B3GALT1: variants seen among roughly 807,000 people sequenced by gnomAD.
The protein encoded by B3GALT1 is UDP-Gal:betaGlcNAc beta 1,3-galactosyltransferase, polypeptide 1.
In B3GALT1, 10 loss-of-function variants were observed where a neutral mutation model predicts 23.2. The ratio of observed to expected loss-of-function variants is 0.43; its 90% CI spans 0.27 to 0.73. B3GALT1 has a LOEUF of 0.73. B3GALT1 is among the 30% of genes least tolerant of loss of function. The pLI is 0.21. For missense variants in B3GALT1, 299 were observed against 405.4 expected (o/e 0.74, Z 2.25); for synonymous variants, 156 against 141.5 (o/e 1.10, Z -0.73).
At chr2:167,698,131 A>G (rs930011037) in intron 3 of B3GALT1, among the ~76,000 whole-genome samples, 1 of 131,372 alleles carries the variant, frequency 7.6e-6, no homozygotes, top group Non-Finnish European at 1.6e-5. Context: ...TTCTGTAGGG[A>G]GTTAACATCA....
chr2:167,854,347 CT>C (rs1689960097), intron 4 of B3GALT1, among the ~76,000 whole-genome samples: 1 of 152,148 alleles, frequency 6.6e-6, no homozygotes, highest in South Asian at 2.1e-4. Context: ...TCTTGAAGGG[CT>C]TGACCTGGAT....
chr2:167,509,406 C>T (rs1462352496), intron 2 of B3GALT1, among the ~76,000 whole-genome samples: 1 of 151,848 alleles, frequency 6.6e-6, no homozygotes, highest in East Asian at 1.9e-4. Context: ...GAGCTTAACA[C>T]TAGTGGAAGG....
intron 4 of B3GALT1, among the ~76,000 whole-genome samples, chr2:167,842,629 T>C (rs1261221594): frequency 6.6e-6 from 1 of 152,176 alleles, no homozygotes; most frequent in African/African-American, 2.4e-5. Flanking sequence ...ATCCCAGCAC[T>C]TTGAGAGGCT....
At chr2:167,314,793 T>G (rs557226838) in intron 1 of B3GALT1, among the ~76,000 whole-genome samples, 1 of 152,160 alleles carries the variant, frequency 6.6e-6, no homozygotes. Context: ...TTTGAGATTC[T>G]GAACTTCCTT....
At chr2:167,693,855 A>G (rs1686752209) in intron 3 of B3GALT1, among the ~76,000 whole-genome samples, 1 of 152,112 alleles carries the variant, frequency 6.6e-6, no homozygotes, top group African/African-American at 2.4e-5. Context: ...GCTGTATAAT[A>G]GACCACCCCA....
intron 1 of B3GALT1, among the ~76,000 whole-genome samples, chr2:167,330,419 C>G (rs1366452647): frequency 3.0e-4 from 46 of 152,024 alleles, no homozygotes; most frequent in Admixed American, 3.0e-3. Flanking sequence ...TCAGCCTGGG[C>G]AACATAGTGA....
At chr2:167,601,163 G>A (rs764096884) in intron 2 of B3GALT1, among the ~76,000 whole-genome samples, 15 of 152,036 alleles carry the variant, frequency 9.9e-5, no homozygotes, top group East Asian at 1.9e-4. Context: ...TGGTTCAAGC[G>A]ATTCTCCTGC....
intron 3 of B3GALT1, among the ~76,000 whole-genome samples, chr2:167,655,543 G>A (rs979023346): frequency 1.3e-5 from 2 of 152,082 alleles, no homozygotes; most frequent in African/African-American, 4.8e-5. Context: ...AACACCCATA[G>A]CAAGGGAGCT....
At chr2:167,548,804 A>C (rs1177926076) in intron 2 of B3GALT1, among the ~76,000 whole-genome samples, 1 of 152,052 alleles carries the variant, frequency 6.6e-6, no homozygotes, top group African/African-American at 2.4e-5. Context: ...CATGCAGACA[A>C]ATCTGTCCAA....
In B3GALT1 at chr2:167,700,629, A is replaced by G. The variant is rs931027152; in HGVS notation, c.-352+53663A>G. The stretch of plus-strand genomic sequence containing the variant: ...ATTAATGGAACACCCCTTTGCTGCT[A>G]TATCTCAAATAGTTTCAGAAAAGCA... On this transcript the variant is annotated intron_variant, in intron 3 of 4. Coordinates refer to ENST00000392690, the MANE Select transcript of B3GALT1 (RefSeq NM_020981.4). 5.3e-5 allele frequency among the ~76,000 whole-genome samples: 8 copies of G among 152,336 alleles called. No individual in the cohort carries two copies. The East Asian group carries it at 1.2e-3, about 22-fold the overall frequency.
chr2:167,668,268 T>TCA (rs1224208026), intron 3 of B3GALT1, among the ~76,000 whole-genome samples: 1 of 151,990 alleles, frequency 6.6e-6, no homozygotes, highest in Non-Finnish European at 1.5e-5. Context: ...TTCTCGGAGG[T>TCA]CAGGGGTCAG....
intron 1 of B3GALT1, among the ~76,000 whole-genome samples, chr2:167,425,489 G>A (rs181639153): frequency 6.2e-4 from 95 of 152,286 alleles, no homozygotes; most frequent in African/African-American, 2.2e-3. Flanking sequence ...GGATTAATAA[G>A]CGTGCAGTAA....
intron 1 of B3GALT1, among the ~76,000 whole-genome samples, chr2:167,358,468 G>GT (rs1159427074): frequency 1.3e-5 from 2 of 152,070 alleles, no homozygotes; most frequent in East Asian, 1.9e-4. Context: ...ATCGTTAACA[G>GT]TTTTTTTGTG....
chr2:167,818,546 A>T (rs180889808), intron 3 of B3GALT1, among the ~76,000 whole-genome samples, 126 bp from the exon 4 acceptor site: 27 of 152,298 alleles, frequency 1.8e-4, no homozygotes, highest in Middle Eastern at 3.4e-3. Context: ...CCCACATGCC[A>T]TTCTTTGTAT....
At chr2:167,593,494 T>A (rs541162932) in intron 2 of B3GALT1, among the ~76,000 whole-genome samples, 6 of 152,282 alleles carry the variant, frequency 3.9e-5, no homozygotes, top group African/African-American at 1.4e-4. Context: ...CTCATAACAG[T>A]GGTTACAGGG....
At chr2:167,670,931 G>T (rs1389880857) in intron 3 of B3GALT1, among the ~76,000 whole-genome samples, 1 of 152,126 alleles carries the variant, frequency 6.6e-6, no homozygotes, top group Non-Finnish European at 1.5e-5. Context: ...CAAATTATGG[G>T]AGTTCCAGAG....
intron 3 of B3GALT1, among the ~76,000 whole-genome samples, chr2:167,656,358 C>A (rs1321309543): frequency 6.6e-6 from 1 of 152,080 alleles, no homozygotes; most frequent in Admixed American, 6.6e-5. Flanking sequence ...AGAGCAAAAA[C>A]AAGCAAAGTG....
chr2:167,367,032 A>G (rs1370395966), intron 1 of B3GALT1, among the ~76,000 whole-genome samples: 2 of 152,202 alleles, frequency 1.3e-5, no homozygotes, highest in Non-Finnish European at 2.9e-5. Flanking sequence ...AGTGGGGAAG[A>G]CTACACAAGG....
At position 167,776,524 on chromosome 2, in the gene B3GALT1, C is replaced by G. The variant is rs1198139008; in HGVS notation, c.-351-42148C>G. 3.3e-5 allele frequency among the ~76,000 whole-genome samples: 5 copies of G among 152,138 alleles called. No homozygotes were observed. The East Asian group carries it at 9.6e-4, about 29-fold the overall frequency. On this transcript the variant is annotated intron_variant, in intron 3 of 4. Transcript: ENST00000392690. ...TGACTGAGCTAGGCGGAGTGCCGACCCATGGCAGGCACTCAATACGTTTAC... is the reference window on the plus strand; with the variant it reads ...TGACTGAGCTAGGCGGAGTGCCGACGCATGGCAGGCACTCAATACGTTTAC...
Sources: gnomAD v4.1 joint callset for allele counts (sites outside exome capture counted in the v4.1 genomes callset) on GRCh38, gnomAD v4.1.1 for gene constraint, MANE v1.5 for transcripts, NCBI Gene and HGNC (gene_info 2026-07-23, HGNC 2026-07-21) for gene names.